Variants in OTC observed in about 807,000 individuals in gnomAD.
The protein encoded by OTC is ornithine transcarbamylase, mitochondrial.
A neutral mutation model predicts 30.3 loss-of-function variants in OTC; 3 were observed. The ratio of observed to expected loss-of-function variants is 0.10; its 90% confidence interval spans 0.05 to 0.26. The LOEUF is 0.26. OTC is among the 10% of genes least tolerant of loss of function. The pLI is 1.00. For missense variants in OTC, 194 were observed against 260.3 expected, an observed-to-expected ratio of 0.75 and a Z score of 1.75; for synonymous variants, 111 against 99.7, an observed-to-expected ratio of 1.11 and a Z score of -0.67.
At chrX:38,370,661 C>T (rs1319899191) in intron 3 of OTC, among the ~76,000 whole-genome samples, 2 of 111,287 alleles carry the variant, frequency 1.8e-5, no homozygotes, top group African/African-American at 6.5e-5. Context: ...TCTCCTGTTC[C>T]GAGGTGGAAA....
intron 4 of OTC, among the ~76,000 whole-genome samples, chrX:38,393,672 C>A (rs2068440115): frequency 8.9e-6 from 1 of 112,381 alleles, no homozygotes; most frequent in Non-Finnish European, 1.9e-5. Context: ...GGCCACTAGA[C>A]AATAATTTTT....
At chrX:38,421,946 G>A (rs1400900052), downstream of OTC, among the ~76,000 whole-genome samples, 3 of 111,332 alleles carry the variant, frequency 2.7e-5, no homozygotes, top group Admixed American at 2.9e-4. Context: ...TTTCTTTGGG[G>A]TAATAAAAAT....
chrX:38,365,829 T>A (rs2068293044), intron 1 of OTC, among the ~76,000 whole-genome samples: 2 of 111,953 alleles, frequency 1.8e-5, no homozygotes, highest in Admixed American at 1.9e-4. Flanking sequence ...GAACTTCCCA[T>A]GAAGCAATAG....
the OTC span, among the ~76,000 whole-genome samples, chrX:38,338,067 A>G: frequency 8.9e-6 from 1 of 112,178 alleles, no homozygotes; most frequent in African/African-American, 3.2e-5. Context: ...ATGTATTTCC[A>G]TGTCAATTTT....
chrX:38,411,474 T>C (rs1389417551), intron 8 of OTC, among the ~76,000 whole-genome samples: 1 of 109,748 alleles, frequency 9.1e-6, no homozygotes, highest in Non-Finnish European at 1.9e-5. Flanking sequence ...AAAACCAGCC[T>C]GGCCAATATG....
chrX:38,359,662 C>G (rs2068260726), intron 1 of OTC, among the ~76,000 whole-genome samples: 1 of 111,096 alleles, frequency 9.0e-6, no homozygotes, highest in Admixed American at 9.6e-5. Context: ...GTCAGGTGAT[C>G]TGCCCGCCTC....
chrX:38,331,452 T>G, the OTC span, among the ~76,000 whole-genome samples: 54 of 76,944 alleles, frequency 7.0e-4, no homozygotes, highest in African/African-American at 2.2e-3. Context: ...GTTTTTTTTT[T>G]TTGTTTGTTT....
chrX:38,339,259 C>T, the OTC span, among the ~76,000 whole-genome samples: 1 of 111,231 alleles, frequency 9.0e-6, no homozygotes, highest in Non-Finnish European at 1.9e-5. Flanking sequence ...TATTCAGGGC[C>T]CATCTGTATC....
chrX:38,337,014 C>T, the OTC span, among the ~76,000 whole-genome samples: 2 of 111,547 alleles, frequency 1.8e-5, no homozygotes, highest in Non-Finnish European at 3.8e-5. Context: ...TCCTTCCTTC[C>T]TCCATTTCCT....
At chrX:38,393,311 C>A (rs11798948) in intron 4 of OTC, among the ~76,000 whole-genome samples, 17,164 of 112,052 alleles carry the variant, frequency 0.15, 1,375 homozygotes, top group Middle Eastern at 0.26. Flanking sequence ...AAAAAATACA[C>A]GTAAAATACC....
In OTC at chrX:38,359,030, C is replaced by G. The variant is rs1369357540; in HGVS notation, c.77+6257C>G. ...TCTCTACCGCTTTTGTCCCCAAGAA[C>G]CCTGACAACTTATTCTGTCCAAAAG... On this transcript the variant is annotated intron_variant, in intron 1 of 9. Coordinates refer to ENST00000039007, the MANE Select transcript of OTC (RefSeq NM_000531.6). Among the ~76,000 whole-genome samples the G allele has an allele frequency of 2.7e-5, 3 of 111,913 alleles. No homozygotes were observed. The East Asian group carries it at 8.4e-4, about 31-fold the overall frequency.
intron 3 of OTC, among the ~76,000 whole-genome samples, chrX:38,377,229 C>T (rs1310446973): frequency 9.0e-6 from 1 of 111,245 alleles, no homozygotes; most frequent in Non-Finnish European, 1.9e-5. Flanking sequence ...AAGTCACTGA[C>T]AAAATTAAGA....
At chrX:38,334,382 T>C in the OTC span, among the ~76,000 whole-genome samples, 28 of 111,909 alleles carry the variant, frequency 2.5e-4, no homozygotes, top group Non-Finnish European at 4.9e-4. Context: ...AACAGCAGTC[T>C]TCAGACTTTT....
intron 1 of OTC, among the ~76,000 whole-genome samples, chrX:38,359,914 CTT>C (rs57184116): frequency 9.5e-5 from 9 of 94,474 alleles, no homozygotes; most frequent in Admixed American, 2.3e-4. Context: ...TTCTTTCTTT[CTT>C]TTTTTTTTTT....
chrX:38,375,745 G>C (rs2068344339), intron 3 of OTC, among the ~76,000 whole-genome samples: 1 of 111,732 alleles, frequency 8.9e-6, no homozygotes, highest in East Asian at 2.8e-4. Context: ...TTGCACATGA[G>C]TCTGGAATTT....
chrX:38,355,645 C>G (rs1385832207), intron 1 of OTC, among the ~76,000 whole-genome samples: 2 of 112,440 alleles, frequency 1.8e-5, no homozygotes, highest in Non-Finnish European at 3.8e-5. Flanking sequence ...GACATCCAGA[C>G]AACGTGATTA....
At chrX:38,417,044 G>A (rs1168605890) in intron 9 of OTC, among the ~76,000 whole-genome samples, 3 of 111,551 alleles carry the variant, frequency 2.7e-5, no homozygotes, top group African/African-American at 9.8e-5. Context: ...TGGTTCCCAA[G>A]GCTCCTTTAT....
chrX:38,345,722 G>A, the OTC span, among the ~76,000 whole-genome samples: 2 of 109,669 alleles, frequency 1.8e-5, no homozygotes, highest in Non-Finnish European at 3.8e-5. Flanking sequence ...TGTATCCTTA[G>A]TAGAGACAGA....
chrX:38,414,001 G>C (rs751516409), intron 9 of OTC, among the ~76,000 whole-genome samples: 1 of 111,106 alleles, frequency 9.0e-6, no homozygotes, highest in Non-Finnish European at 1.9e-5. Flanking sequence ...CCCAGTTATT[G>C]CAGGTGCCAC....
Sources: allele counts gnomAD v4.1 joint callset (sites outside exome capture counted in the v4.1 genomes callset), GRCh38; gene constraint gnomAD v4.1.1; transcripts MANE v1.5; gene names NCBI Gene and HGNC (gene_info 2026-07-23, HGNC 2026-07-21).